The following SPAG16 variants were observed in gnomAD, a reference collection of about 807,000 sequenced individuals.
SPAG16 encodes sperm-associated antigen 16 protein.
SPAG16 carries 86 observed loss-of-function variants against 80.4 expected under a neutral mutation model. The observed-to-expected ratio is 1.07, with a 90% CI of 0.90 to 1.28. SPAG16 has a LOEUF of 1.28. Ranked by LOEUF, SPAG16 falls within the 50% of genes most tolerant of loss-of-function variation. SPAG16 has a pLI of 0.00. For missense variants in SPAG16, 870 were observed against 765.3 expected (o/e 1.14, Z -1.61); for synonymous variants, 294 against 265.9 (o/e 1.11, Z -1.03).
intron 10 of SPAG16, among the ~76,000 whole-genome samples, chr2:213,490,839 A>G (rs2074203685): frequency 6.6e-6 from 1 of 152,216 alleles, no homozygotes; most frequent in Non-Finnish European, 1.5e-5. Context: ...TCTAAGACTT[A>G]TACAAAAATA....
chr2:214,012,286 A>T (rs368877568), intron 12 of SPAG16, among the ~76,000 whole-genome samples: 9,156 of 53,838 alleles, frequency 0.17, 1,187 homozygotes, highest in South Asian at 0.21. Flanking sequence ...ATATATATAT[A>T]TATTTTTTTT....
At chr2:214,042,716 G>T (rs1179634530) in intron 13 of SPAG16, among the ~76,000 whole-genome samples, 2 of 151,992 alleles carry the variant, frequency 1.3e-5, no homozygotes, top group Non-Finnish European at 2.9e-5. Context: ...TTCCTGATTT[G>T]TGTTACAGAG....
At position 213,471,865 on chromosome 2, in the gene SPAG16, G is replaced by A. The variant is rs116050468; in HGVS notation, c.943-18098G>A. On this transcript the variant is annotated intron_variant, in intron 9 of 15. Transcript: ENST00000331683. ...CATTGTGCCTCTTTCTTGGTTGTAG[G>A]TGGGGTCAAATTCAGCAACTTATCC... 8.3e-3 allele frequency among the ~76,000 whole-genome samples: 1,264 copies of A among 152,270 alleles called. 25 individuals are homozygous for A. Among genetic ancestry groups the A allele is most frequent in the African/African-American group, 0.029 (1,219 of 41,526 alleles).
chr2:214,083,112 C>T (rs1018038351), intron 13 of SPAG16, among the ~76,000 whole-genome samples: 13 of 152,138 alleles, frequency 8.5e-5, no homozygotes, highest in African/African-American at 2.9e-4. Context: ...TGTGGTCAAC[C>T]TTGTCAATAA....
chr2:213,737,003 G>A (rs2067312133), intron 10 of SPAG16, among the ~76,000 whole-genome samples: 1 of 152,298 alleles, frequency 6.6e-6, no homozygotes, highest in East Asian at 1.9e-4. Flanking sequence ...ACCATGCCCA[G>A]CCCAATGCTG....
chr2:214,231,729 A>G (rs561637121), intron 15 of SPAG16, among the ~76,000 whole-genome samples: 20 of 152,068 alleles, frequency 1.3e-4, no homozygotes, highest in Non-Finnish European at 2.8e-4. Context: ...TTCAAGAGGC[A>G]TTATATTTTC....
intron 9 of SPAG16, among the ~76,000 whole-genome samples, chr2:213,453,101 G>A (rs887767621): frequency 6.6e-6 from 1 of 152,128 alleles, no homozygotes; most frequent in African/African-American, 2.4e-5. Context: ...ATAGAACCTA[G>A]ACTCTTGTTT....
chr2:213,666,651 G>C (rs1272042101), intron 10 of SPAG16, among the ~76,000 whole-genome samples: 1 of 152,144 alleles, frequency 6.6e-6, no homozygotes, highest in Non-Finnish European at 1.5e-5. Context: ...TCAGAGGAGA[G>C]AATACAAGAC....
At position 213,870,913 on chromosome 2, in the gene SPAG16, G is replaced by T. The variant is rs578055825; in HGVS notation, c.1214+8285G>T. ...TCTTTGTATCCCTGGGACACAGAAG[G>T]TAAACTGAAACATTATAGAGAATGA... On this transcript the variant is annotated intron_variant, in intron 11 of 15. Coordinates refer to ENST00000331683, the MANE Select transcript of SPAG16 (RefSeq NM_024532.5). Among the ~76,000 whole-genome samples, 17 of 152,266 alleles carry T rather than the reference G, an allele frequency of 1.1e-4. No homozygotes were observed. The South Asian group carries it at 3.5e-3, about 32-fold the overall frequency.
At chr2:214,174,825 G>C (rs890640342) in intron 15 of SPAG16, among the ~76,000 whole-genome samples, 1 of 151,604 alleles carries the variant, frequency 6.6e-6, no homozygotes, top group African/African-American at 2.4e-5. Context: ...CATCACTTTT[G>C]CACGAATCTA....
intron 15 of SPAG16, among the ~76,000 whole-genome samples, chr2:214,338,498 C>T (rs896955243): frequency 2.0e-4 from 31 of 151,956 alleles, no homozygotes; most frequent in Admixed American, 1.3e-4. Context: ...AGCAAGACTC[C>T]GTCTCAAAAA....
At chr2:214,066,014 A>T (rs1213750716) in intron 13 of SPAG16, among the ~76,000 whole-genome samples, 1 of 152,228 alleles carries the variant, frequency 6.6e-6, no homozygotes, top group Non-Finnish European at 1.5e-5. Flanking sequence ...CTGTTCTAGA[A>T]CTAATGATGA....
At chr2:214,021,807 GC>G (rs2047882011) in intron 13 of SPAG16, among the ~76,000 whole-genome samples, 1 of 152,072 alleles carries the variant, frequency 6.6e-6, no homozygotes, top group African/African-American at 2.4e-5. Context: ...GAGACTTACT[GC>G]TTTCTCACTA....
chr2:214,172,142 T>C, intron 15 of SPAG16, among the ~76,000 whole-genome samples: 1 of 151,898 alleles, frequency 6.6e-6, no homozygotes, highest in African/African-American at 2.4e-5. Context: ...ATGTGCACAA[T>C]GTGCAGGTTA....
In SPAG16 at chr2:213,512,732, A is replaced by G. The variant is rs567945519; in HGVS notation, c.1070+22642A>G. Among the ~76,000 whole-genome samples, 268 of 152,216 alleles carry G rather than the reference A, an allele frequency of 1.8e-3. 1 individual carries two copies. The highest frequency in any genetic ancestry group is 6.3e-3 in the African/African-American group (260 of 41,538). ...GGATTTTCCAAAATAAGTATCCCCC[A>G]TCACATATCATTACTTTCTGCTGAA... is the stretch of plus-strand genomic sequence containing the variant. On this transcript the variant is annotated intron_variant, in intron 10 of 15. Transcript: ENST00000331683.
At chr2:213,299,061 G>T (rs1209742044) in intron 3 of SPAG16, among the ~76,000 whole-genome samples, 1 of 151,780 alleles carries the variant, frequency 6.6e-6, no homozygotes, top group African/African-American at 2.4e-5. Flanking sequence ...TCCATTTTTT[G>T]TTCTGATCTT....
In SPAG16 at chr2:213,532,575, C is replaced by T. The variant is rs188877398; in HGVS notation, c.1070+42485C>T. Among the ~76,000 whole-genome samples, 13 of 151,880 alleles carry T rather than the reference C, an allele frequency of 8.6e-5. No homozygotes were observed. The East Asian group carries it at 1.5e-3, about 18-fold the overall frequency. On this transcript the variant is annotated intron_variant, in intron 10 of 15. Coordinates refer to ENST00000331683, the MANE Select transcript of SPAG16 (RefSeq NM_024532.5). ...CTCCCAGGTTCAAGCGATTCTCCTG[C>T]CTCAGCCTCCTGAGTAGCTGGGACT...
chr2:213,333,594 T>C (rs2064203916), intron 5 of SPAG16, among the ~76,000 whole-genome samples: 1 of 152,124 alleles, frequency 6.6e-6, no homozygotes, highest in Non-Finnish European at 1.5e-5. Context: ...ATTACCTGAC[T>C]TCAAATTATA....
At chr2:213,871,420 T>C (rs977187742) in intron 11 of SPAG16, among the ~76,000 whole-genome samples, 5 of 152,002 alleles carry the variant, frequency 3.3e-5, no homozygotes, top group African/African-American at 1.2e-4. Flanking sequence ...GTGAACTCTT[T>C]TATGTTTTAA....
Sources: allele counts gnomAD v4.1 joint callset (sites outside exome capture counted in the v4.1 genomes callset), GRCh38; gene constraint gnomAD v4.1.1; transcripts MANE v1.5; gene names NCBI Gene and HGNC (gene_info 2026-07-23, HGNC 2026-07-21).